Variants in CCDC40 observed in about 807,000 individuals in gnomAD.
CCDC40 encodes the protein coiled-coil domain-containing protein 40.
CCDC40 carries 104 observed loss-of-function variants against 124.5 expected under a neutral mutation model. The ratio of observed to expected loss-of-function variants is 0.84; its 90% confidence interval spans 0.71 to 0.98. The LOEUF is 0.98. Among genes scored for constraint, CCDC40 ranks in the 50% least tolerant of loss-of-function variants. The pLI is 0.00. For synonymous variants in CCDC40, 580 were observed against 602.9 expected, an observed-to-expected ratio of 0.96 and a Z score of 0.56; for missense variants, 1,463 against 1,503.9, an observed-to-expected ratio of 0.97 and a Z score of 0.45.
In CCDC40 at chr17:80,066,063, G is replaced by A. The variant is rs773118442; in HGVS notation, c.1562+457G>A. 21 of 702,382 alleles carry A rather than the reference G, an allele frequency of 3.0e-5. No individual in the cohort carries two copies. The highest frequency in any genetic ancestry group is 7.4e-5 in the South Asian group (5 of 67,584). The allele number at this position is 702,382 out of a possible 1,614,324, so 43.5% of individuals were successfully genotyped here. ...TGGGCATCCCCTCACTTCTGGGGATGGATGCGTGGCTCAGGGCAGGGCGTT... is the reference window on the plus strand; with the variant it reads ...TGGGCATCCCCTCACTTCTGGGGATAGATGCGTGGCTCAGGGCAGGGCGTT... On this transcript the variant is annotated intron_variant, in intron 10 of 19. Transcript: ENST00000397545. The surrounding 1 kb of genome is among the most constrained non-coding windows in gnomAD (Gnocchi z 4.4).
In CCDC40 at chr17:80,047,142, G is replaced by T. The variant is rs76104475; in HGVS notation, c.553-137G>T. Reference sequence around the variant, plus strand: ...AGTTACAGGCATGAGCCACGTGCCCGGCCAGGTTTTTTAAAAAACACACAG... The same window carrying T: ...AGTTACAGGCATGAGCCACGTGCCCTGCCAGGTTTTTTAAAAAACACACAG... On this transcript the variant is annotated intron_variant, in intron 3 of 19. Transcript: ENST00000397545. 0.28 allele frequency: 268,149 copies of T among 962,544 alleles called. 39,969 individuals are homozygous for T. Among genetic ancestry groups the T allele is most frequent in the Middle Eastern group, 0.35 (1,202 of 3,400 alleles). 59.6% of individuals were successfully genotyped at this position (962,544 alleles called of 1,614,324 possible). A position where few individuals can be genotyped will look rare whatever the true frequency, so the allele number is the denominator to read the frequency against.
At position 80,045,215 on chromosome 17, in the gene CCDC40, G is replaced by T. The variant is rs192296607; in HGVS notation, c.553-2064G>T. 3.4e-3 allele frequency among the ~76,000 whole-genome samples: 514 copies of T among 152,330 alleles called. 4 individuals carry two copies. The highest frequency in any genetic ancestry group is 0.011 in the African/African-American group (455 of 41,574). On this transcript the variant is annotated intron_variant, in intron 3 of 19. Transcript: ENST00000397545. The stretch of plus-strand genomic sequence containing the variant: ...CTGGGGCAAGCCCTTCAGCCTCCAT[G>T]TGGCTGCTTTACTATGGAGAACAGA...
intron 9 of CCDC40, among the ~76,000 whole-genome samples, chr17:80,063,193 CA>C (rs111638134): frequency 3.0e-4 from 43 of 143,210 alleles, no homozygotes; most frequent in South Asian, 6.7e-4. Flanking sequence ...AAAAGTGTCT[CA>C]AAAAAAAAAA....
rs1471233565 is a variant in CCDC40 at position 80,087,470 on chromosome 17, AG to A, written c.2450-135del. ...GGGACGAGATTCAGGCAGGAGCGCC[AG>A]GAACGACAAGAGGGAGGGGATGAAG... On this transcript the variant is annotated intron_variant, in intron 14 of 19. Transcript: ENST00000397545. The surrounding 1 kb of genome is among the most constrained non-coding windows in gnomAD (Gnocchi z 4.5). 6 of 723,992 alleles carry A rather than the reference AG, an allele frequency of 8.3e-6. No individual in the cohort carries two copies. Among genetic ancestry groups the A allele is most frequent in the African/African-American group, 1.7e-5 (1 of 57,296 alleles). The allele number at this position is 723,992 out of a possible 1,614,324, so 44.8% of individuals were successfully genotyped here.
At chr17:80,090,259 GCGCGCGGGC>G in intron 17 of CCDC40, 1 of 798,460 alleles carries the variant, frequency 1.3e-6, no homozygotes. Flanking sequence ...AACACGGGAC[GCGCGCGGGC>G]ACGTGCACGA....
intron 10 of CCDC40, among the ~76,000 whole-genome samples, chr17:80,072,231 G>A (rs1483212810): frequency 1.3e-5 from 2 of 152,110 alleles, no homozygotes; most frequent in Admixed American, 6.6e-5. Flanking sequence ...CTTTCTATTG[G>A]TGCCTGCTGA....
Position 80,084,889 on chromosome 17 carries a change from C to G in CCDC40, c.2136C>G (p.Ser712Arg). ...VKKVNELITNSQSEISRRTIL... is the reference protein window; with the variant it reads ...VKKVNELITNRQSEISRRTIL... ...AAGTCAACGAGCTCATCACCAACAG[C>G]CAGAGCGAGATCTCCCGGCGCACGA... The change falls in exon 13 of 20, where the codon AGC (serine) becomes AGG (arginine). Residue 712 changes from serine to arginine, a missense_variant. Physicochemically the swap from Ser to Arg is moderately radical, Grantham distance 110 (BLOSUM62 -1). Transcript: ENST00000397545. The G allele has an allele frequency of 6.2e-7, 1 of 1,614,118 alleles. No individual in the cohort carries two copies. Among genetic ancestry groups the G allele is most frequent in the Non-Finnish European group, 8.5e-7 (1 of 1,180,020 alleles).
chr17:80,086,386 C>G lies in CCDC40; in HGVS notation c.2449+170C>G, dbSNP rs1303703796. On this transcript the variant is annotated intron_variant, in intron 14 of 19. Coordinates refer to ENST00000397545, the MANE Select transcript of CCDC40 (RefSeq NM_017950.4). The surrounding 1 kb of genome is among the most constrained non-coding windows in gnomAD (Gnocchi z 5.5). ...GTATTTTGTAAATGTGAACCACTGC[C>G]TGCCCAGCTGCCCAGTTCGCAGTCA... 2 of 628,578 alleles carry G rather than the reference C, an allele frequency of 3.2e-6. No individual in the cohort carries two copies. Among genetic ancestry groups the G allele is most frequent in the East Asian group, 5.6e-5 (2 of 35,732 alleles). 38.9% of individuals were successfully genotyped at this position (628,578 alleles called of 1,614,324 possible).
chr17:80,056,004 ATATATATATATATTTT>A (rs1353560116), intron 7 of CCDC40, among the ~76,000 whole-genome samples: 1 of 8,388 alleles, frequency 1.2e-4, no homozygotes, highest in Non-Finnish European at 2.4e-4. Flanking sequence ...ATATATATAT[ATATATATATATATTTT>A]TTTTTTTTTT....
chr17:80,093,899 C>T (rs534340053), intron 17 of CCDC40, among the ~76,000 whole-genome samples: 3 of 152,248 alleles, frequency 2.0e-5, no homozygotes, highest in South Asian at 4.1e-4. Flanking sequence ...AAAATAGTGG[C>T]TCTGACCTAT....
chr17:80,081,715 G>A lies in CCDC40; in HGVS notation c.1732G>A (p.Ala578Thr). ...LTTQCLTKQV[A>T]LQSQFNTYRL... The stretch of plus-strand genomic sequence containing the variant: ...CACCCAGTGCCTGACCAAGCAGGTG[G>A]CCCTGCAGAGCCAGTTCAATACCTA... The change falls in exon 11 of 20, where the codon GCC becomes ACC. Residue 578 changes from alanine to threonine, a missense_variant. Ala to Thr is a moderately conservative substitution (Grantham distance 58, BLOSUM62 0). Coordinates refer to ENST00000397545, the MANE Select transcript of CCDC40 (RefSeq NM_017950.4). The A allele has an allele frequency of 6.2e-7, 1 of 1,614,126 alleles. No individual in the cohort carries two copies.
rs1054323695 is a variant in CCDC40, at chr17:80,087,466, C to T, written c.2450-141C>T. 17 of 714,508 alleles carry T rather than the reference C, an allele frequency of 2.4e-5. No individual in the cohort carries two copies. The highest frequency in any genetic ancestry group is 1.5e-4 in the South Asian group (10 of 66,870). 44.3% of individuals were successfully genotyped at this position (714,508 alleles called of 1,614,324 possible). ...GGCAGGGACGAGATTCAGGCAGGAG[C>T]GCCAGGAACGACAAGAGGGAGGGGA... On this transcript the variant is annotated intron_variant, in intron 14 of 19. Coordinates refer to ENST00000397545, the MANE Select transcript of CCDC40 (RefSeq NM_017950.4). The surrounding 1 kb of genome is among the most constrained non-coding windows in gnomAD (Gnocchi z 4.5).
rs769458274 is a variant in CCDC40 at position 80,040,026 on chromosome 17, C to T, written c.308C>T (p.Pro103Leu). The T allele has an allele frequency of 2.7e-5, 43 of 1,613,984 alleles. No homozygotes were observed. In the Admixed American group the frequency reaches 4.5e-4, roughly 17 times the overall value. The change falls in exon 3 of 20, where the codon CCG becomes CTG. Residue 103 changes from proline to leucine, a missense_variant. Pro to Leu is a moderately conservative substitution (Grantham distance 98, BLOSUM62 -3). Transcript: ENST00000397545. ...EEYYYTETSS[P>L]EGQISAADTT... is the part of the protein sequence containing the mutation. ...TATTACTATACAGAAACTTCATCCCCGGAAGGGCAAATCAGTGCTGCAGAT... is the reference window on the plus strand; with the variant it reads ...TATTACTATACAGAAACTTCATCCCTGGAAGGGCAAATCAGTGCTGCAGAT...
chr17:80,065,605 A>G lies in CCDC40; in HGVS notation c.1561A>G (p.Arg521Gly), dbSNP rs2038024808. The G allele has an allele frequency of 6.2e-7, 1 of 1,612,244 alleles. No individual in the cohort carries two copies. Among genetic ancestry groups the G allele is most frequent in the Non-Finnish European group, 8.5e-7 (1 of 1,179,866 alleles). Residue 521 changes from arginine (R) to glycine (G), a missense_variant and splice_region_variant, in exon 10 of 20, where the codon AGA becomes GGA. Physicochemically the swap from Arg to Gly is moderately radical, Grantham distance 125 (BLOSUM62 -2). Coordinates refer to ENST00000397545, the MANE Select transcript of CCDC40 (RefSeq NM_017950.4). The part of the protein sequence containing the change: ...EAHRAVLEAL[R>G]GCQHQAKSTD... ...GCACAGGGCGGTGCTGGAGGCGCTC[A>G]GGTACTGCAGGGCCACAGGCAGCGA... is the stretch of plus-strand genomic sequence containing the variant.
In CCDC40 at chr17:80,090,245, GAACAACACGGGACGCGCGCGGGCACGTGC is replaced by G; in HGVS notation, c.2832+363_2832+391del. The G allele has an allele frequency of 3.4e-6, 3 of 870,928 alleles. 1 individual carries two copies. The highest frequency in any genetic ancestry group is 4.2e-5 in the South Asian group (2 of 48,066). The allele number at this position is 870,928 out of a possible 1,614,324, so 54.0% of individuals were successfully genotyped here. ...ACGGGACGCGCGCAGGCACGTGCAC[GAACAACACGGGACGCGCGCGGGCACGTGC>G]ACGAACAACACGGGACGCGCGCAGG... On this transcript the variant is annotated intron_variant, in intron 17 of 19. Transcript: ENST00000397545.
In CCDC40 at chr17:80,090,215, AGAACACGGGACGCGCG is replaced by A; in HGVS notation, c.2832+332_2832+347del. 2 of 765,864 alleles carry A rather than the reference AGAACACGGGACGCGCG, an allele frequency of 2.6e-6. 1 individual carries two copies. The highest frequency in any genetic ancestry group is 3.9e-6 in the Non-Finnish European group (2 of 514,518). The allele number at this position is 765,864 out of a possible 1,614,324, so 47.4% of individuals were successfully genotyped here. The stretch of plus-strand genomic sequence containing the variant: ...GGGACGCACGCAGGCACGTGCACGA[AGAACACGGGACGCGCG>A]CAGGCACGTGCACGAACAACACGGG... On this transcript the variant is annotated intron_variant, in intron 17 of 19. Transcript: ENST00000397545.
In CCDC40 at chr17:80,097,169, C is replaced by T; in HGVS notation, c.3022-76C>T. The T allele has an allele frequency of 2.0e-6, 3 of 1,510,860 alleles. No homozygotes were observed. In the Middle Eastern group the frequency reaches 5.2e-4, roughly 264 times the overall value. The allele number at this position is 1,510,860 out of a possible 1,614,324, so 93.6% of individuals were successfully genotyped here. On this transcript the variant is annotated intron_variant, in intron 18 of 19. Coordinates refer to ENST00000397545, the MANE Select transcript of CCDC40 (RefSeq NM_017950.4). ...AGTGTGTGGAAGGTGCCTGGCAGGTCCTCCCAGCCTGACTCTTCCCTGTCC... is the reference window on the plus strand; with the variant it reads ...AGTGTGTGGAAGGTGCCTGGCAGGTTCTCCCAGCCTGACTCTTCCCTGTCC...
intron 3 of CCDC40, among the ~76,000 whole-genome samples, chr17:80,045,513 G>A (rs148350584): frequency 9.9e-5 from 15 of 152,274 alleles, no homozygotes; most frequent in East Asian, 1.9e-4. Context: ...AGACCGGCCT[G>A]GGTAACATGG....
Position 80,100,576 on chromosome 17 carries a change from A to C in CCDC40, c.*801A>C, listed in dbSNP as rs963976146. ...AAATAATTTCACTTTCAAACATTTC[A>C]GCAGAAGAATAAAATCTTTTTTCTG... On this transcript the variant is annotated 3_prime_UTR_variant, in exon 20 of 20. Coordinates refer to ENST00000397545, the MANE Select transcript of CCDC40 (RefSeq NM_017950.4). 1 of 151,948 alleles carries C rather than the reference A, an allele frequency of 6.6e-6. No individual in the cohort carries two copies. The highest frequency in any genetic ancestry group is 2.4e-5 in the African/African-American group (1 of 41,340). The allele number at this position is 151,948 out of a possible 1,614,324, so 9.4% of individuals were successfully genotyped here.
Sources: gnomAD v4.1 joint callset for allele counts (sites outside exome capture counted in the v4.1 genomes callset) on GRCh38, gnomAD v4.1.1 for gene constraint, Gnocchi (gnomAD v3.1) non-coding constraint, MANE v1.5 for transcripts, NCBI Gene and HGNC (gene_info 2026-07-23, HGNC 2026-07-21) for gene names.